TEX15: variants seen among roughly 807,000 people sequenced by gnomAD.
TEX15 encodes the protein testis expressed 15, meiosis and synapsis associated, also known as testis-expressed protein 15.
A neutral mutation model predicts 237.3 loss-of-function variants in TEX15; 171 were observed. The ratio of observed to expected loss-of-function variants is 0.72; its 90% CI spans 0.64 to 0.82. TEX15 has a LOEUF of 0.82. TEX15 is among the 40% of genes least tolerant of loss of function. The pLI is 0.00. For missense variants in TEX15, 3,750 were observed against 3,646.5 expected (o/e 1.03, Z -0.73); for synonymous variants, 1,338 against 1,269.8 (o/e 1.05, Z -1.14).
Position 30,847,626 on chromosome 8 carries a change from A to G in TEX15, c.2541T>C (p.Asn847=), listed in dbSNP as rs1807652233. The G allele has an allele frequency of 6.2e-7, 1 of 1,613,354 alleles. No homozygotes were observed. Reference sequence around the variant, plus strand: ...TGAAATTAACATTCAGCCATATATCATTGCTTAACTGTGAATTACAGAACA... The same window carrying G: ...TGAAATTAACATTCAGCCATATATCGTTGCTTAACTGTGAATTACAGAACA... ...HNLFCNSQLS[N]DIWLNVNFKK... is the part of the protein sequence containing the mutation. The change falls in exon 8 of 11, where the codon AAT becomes AAC. Residue 847 remains asparagine, a synonymous_variant. Coordinates refer to ENST00000643185, the MANE Select transcript of TEX15 (RefSeq NM_001350162.2).
At chr8:30,853,904 C>T (rs778167761) in intron 7 of TEX15, among the ~76,000 whole-genome samples, 2 of 151,210 alleles carry the variant, frequency 1.3e-5, no homozygotes, top group Non-Finnish European at 3.0e-5. Context: ...CTGAAAAAAA[C>T]CAATGAATTA....
At chr8:30,865,722 G>T (rs545859818) in intron 5 of TEX15, among the ~76,000 whole-genome samples, 13 of 152,218 alleles carry the variant, frequency 8.5e-5, no homozygotes, top group African/African-American at 2.6e-4. Flanking sequence ...TTCATTAGAT[G>T]CTGAAAAAGC....
At chr8:30,855,579 T>C (rs1447386910) in intron 7 of TEX15, among the ~76,000 whole-genome samples, 1 of 152,136 alleles carries the variant, frequency 6.6e-6, no homozygotes, top group African/African-American at 2.4e-5. Flanking sequence ...ACCCAGCAAT[T>C]CCACTCTTGG....
At chr8:30,874,912 A>G (rs1250454028) in intron 4 of TEX15, 25 bp downstream of exon 4, 9 of 1,246,936 alleles carry the variant, frequency 7.2e-6, no homozygotes, top group Non-Finnish European at 9.1e-6. Context: ...AAAATCTCAA[A>G]CACGTTTAGA....
At chr8:30,834,878 CA>C (rs1458500378) in intron 10 of TEX15, among the ~76,000 whole-genome samples, 3 of 152,174 alleles carry the variant, frequency 2.0e-5, no homozygotes, top group Admixed American at 1.3e-4. Context: ...AGAACTATGT[CA>C]ATAGGCTGCT....
chr8:30,896,629 G>A (rs1460500734), intron 2 of TEX15, among the ~76,000 whole-genome samples: 1 of 151,682 alleles, frequency 6.6e-6, no homozygotes, highest in South Asian at 2.1e-4. Context: ...AAAAGATTTA[G>A]ACAAGCAGAA....
intron 7 of TEX15, among the ~76,000 whole-genome samples, chr8:30,854,239 A>G (rs1335996672): frequency 6.7e-6 from 1 of 149,112 alleles, no homozygotes; most frequent in South Asian, 2.1e-4. Flanking sequence ...AAATTTATAA[A>G]CCTTTTTAAC....
chr8:30,842,119 C>T lies in TEX15; in HGVS notation c.8048G>A (p.Cys2683Tyr). The T allele has an allele frequency of 6.2e-7, 1 of 1,613,442 alleles. No homozygotes were observed. The highest frequency in any genetic ancestry group is 8.5e-7 in the Non-Finnish European group (1 of 1,179,678). The change falls in exon 8 of 11, where the codon TGC becomes TAC. Residue 2683 changes from cysteine to tyrosine, a missense_variant. Transcript: ENST00000643185. The part of the protein sequence containing the change: ...ISTMLPPVSE[C>Y]INKNISNSSK... Reference sequence around the variant, plus strand: ...GGAATTTGAGATGTTTTTGTTTATGCACTCTGATACTGGGGGCAACATCGT... The same window carrying T: ...GGAATTTGAGATGTTTTTGTTTATGTACTCTGATACTGGGGGCAACATCGT...
intron 8 of TEX15, 37 bp downstream of exon 8, chr8:30,841,967 G>T: frequency 2.8e-6 from 4 of 1,412,732 alleles, no homozygotes; most frequent in South Asian, 1.6e-5. Flanking sequence ...TTTTCAAAAA[G>T]AATACTTATA....
chr8:30,889,634 A>G (rs927781862), intron 2 of TEX15, among the ~76,000 whole-genome samples: 9 of 152,280 alleles, frequency 5.9e-5, no homozygotes, highest in Middle Eastern at 3.4e-3. Flanking sequence ...TAATCAGGAC[A>G]CAATGGTATT....
At chr8:30,867,691 T>C (rs1808203422) in intron 4 of TEX15, among the ~76,000 whole-genome samples, 189 bp from the exon 5 acceptor site, 1 of 152,074 alleles carries the variant, frequency 6.6e-6, no homozygotes, top group African/African-American at 2.4e-5. Context: ...TTAGCCAAGA[T>C]TTATGAACAT....
intron 7 of TEX15, among the ~76,000 whole-genome samples, chr8:30,856,346 G>T (rs908687954): frequency 6.6e-6 from 1 of 150,648 alleles, no homozygotes; most frequent in Non-Finnish European, 1.5e-5. Flanking sequence ...TTGAGCTTAG[G>T]AGTTTGAGAC....
At chr8:30,904,382 G>A (rs1479887454) in intron 1 of TEX15, among the ~76,000 whole-genome samples, 2 of 150,934 alleles carry the variant, frequency 1.3e-5, no homozygotes, top group African/African-American at 4.9e-5. Context: ...AGGAGATGGA[G>A]GTTGCAGTGA....
At chr8:30,849,612 C>A (rs2128768596) in intron 7 of TEX15, among the ~76,000 whole-genome samples, 1 of 151,954 alleles carries the variant, frequency 6.6e-6, no homozygotes, top group Admixed American at 6.6e-5. Flanking sequence ...TAGAAAAAAA[C>A]TAAATAGGGG....
Position 30,847,084 on chromosome 8 carries a change from T to C in TEX15, c.3083A>G (p.Asp1028Gly), listed in dbSNP as rs1256552307. 1 of 1,613,332 alleles carries C rather than the reference T, an allele frequency of 6.2e-7. No individual in the cohort carries two copies. The highest frequency in any genetic ancestry group is 1.7e-5 in the Admixed American group (1 of 59,930). ...ATTTTTATCCGTATCAATTTCACAA[T>C]CAGAAACCCTATGTTTTACTAACAA... The part of the protein sequence containing the change: ...FGLLVKHRVS[D>G]CEIDTDKNKS... Residue 1028 changes from aspartate to glycine, a missense_variant, in exon 8 of 11, where the codon GAT (aspartate) becomes GGT (glycine). Asp to Gly is a moderately conservative substitution (Grantham distance 94). Transcript: ENST00000643185.
chr8:30,842,346 T>C lies in TEX15; in HGVS notation c.7821A>G (p.Gly2607=), dbSNP rs1388197297. ...TGACTTTCCTAATGTGGGCCATTTT[T>C]CCTAAATCTTTCCTAGGGGCAGACA... ...NVMSAPRKDL[G]KMAHIRKVMK... Residue 2607 remains glycine, a synonymous_variant, in exon 8 of 11, where the codon GGA becomes GGG. Transcript: ENST00000643185. The C allele has an allele frequency of 1.2e-6, 2 of 1,613,880 alleles. No individual in the cohort carries two copies. Among genetic ancestry groups the C allele is most frequent in the South Asian group, 2.2e-5 (2 of 91,072 alleles).
chr8:30,905,791 C>A (rs967850496), intron 1 of TEX15, among the ~76,000 whole-genome samples: 1 of 148,976 alleles, frequency 6.7e-6, no homozygotes, highest in Non-Finnish European at 1.5e-5. Context: ...GTATTCCCAG[C>A]TGCTCGGGAT....
At chr8:30,860,563 CT>C (rs35815726) in intron 5 of TEX15, among the ~76,000 whole-genome samples, 1,294 of 127,038 alleles carry the variant, frequency 0.01, 11 homozygotes, top group African/African-American at 0.031. Flanking sequence ...AGAGAATCTA[CT>C]TTTTTTTTTT....
intron 3 of TEX15, chr8:30,886,872 G>T: frequency 4.4e-6 from 1 of 225,890 alleles, no homozygotes; most frequent in Admixed American, 5.7e-5. Flanking sequence ...TTACTGCTAT[G>T]CCATTCCCTG....
Sources: gnomAD v4.1 joint callset for allele counts (sites outside exome capture counted in the v4.1 genomes callset) on GRCh38, gnomAD v4.1.1 for gene constraint, MANE v1.5 for transcripts, NCBI Gene and HGNC (gene_info 2026-07-23, HGNC 2026-07-21) for gene names.